DAAM1: variants seen among roughly 807,000 people sequenced by gnomAD.
The protein encoded by DAAM1 is dishevelled associated activator of morphogenesis 1, also known as disheveled-associated activator of morphogenesis 1.
A neutral mutation model predicts 130.0 loss-of-function variants in DAAM1; 52 were observed. The ratio of observed to expected loss-of-function variants is 0.40; its 90% CI spans 0.32 to 0.50. The LOEUF is 0.50. Ranked by LOEUF, DAAM1 falls within the 20% of genes least tolerant of loss-of-function variation. The pLI is 0.61. For synonymous variants in DAAM1, 452 were observed against 444.5 expected, an observed-to-expected ratio of 1.02 and a Z score of -0.21; for missense variants, 1,134 against 1,303.8, an observed-to-expected ratio of 0.87 and a Z score of 2.01.
chr14:59,296,355 C>T (rs1169955108), intron 3 of DAAM1, among the ~76,000 whole-genome samples: 1 of 152,036 alleles, frequency 6.6e-6, no homozygotes, highest in Non-Finnish European at 1.5e-5. Context: ...CAAAGCAATG[C>T]AGTTGGTGAA....
At chr14:59,206,004 C>G (rs1325816185) in intron 1 of DAAM1, among the ~76,000 whole-genome samples, 1 of 152,066 alleles carries the variant, frequency 6.6e-6, no homozygotes, top group Non-Finnish European at 1.5e-5. Flanking sequence ...GCTGGGACTA[C>G]TATGCCTGTC....
intron 24 of DAAM1, 38 bp downstream of exon 24, chr14:59,367,637 A>G (rs893937515): frequency 2.5e-6 from 4 of 1,595,310 alleles, no homozygotes; most frequent in Non-Finnish European, 3.4e-6. Context: ...CACCTCCTAG[A>G]AGTTCTATGA....
At chr14:59,204,337 G>A (rs1459673715) in intron 1 of DAAM1, among the ~76,000 whole-genome samples, 4 of 152,206 alleles carry the variant, frequency 2.6e-5, no homozygotes, top group Admixed American at 2.0e-4. Flanking sequence ...GTGGGCCAGG[G>A]ACTGCTTTTA....
intron 2 of DAAM1, among the ~76,000 whole-genome samples, chr14:59,290,532 C>T (rs958989213): frequency 6.6e-6 from 1 of 152,192 alleles, no homozygotes; most frequent in Non-Finnish European, 1.5e-5. Flanking sequence ...ACATAATGTA[C>T]TGAGTAAATA....
intron 21 of DAAM1, among the ~76,000 whole-genome samples, chr14:59,360,406 A>G (rs1396210699): frequency 1.3e-5 from 2 of 152,278 alleles, no homozygotes; most frequent in African/African-American, 4.8e-5. Flanking sequence ...TATACAGAGT[A>G]CAATGTGAAC....
At chr14:59,343,402 A>G (rs1245903165) in intron 16 of DAAM1, among the ~76,000 whole-genome samples, 1 of 152,158 alleles carries the variant, frequency 6.6e-6, no homozygotes, top group South Asian at 2.1e-4. Flanking sequence ...ATGCTTGGGG[A>G]CAATGAATAG....
chr14:59,323,295 C>A (rs1387654346), intron 6 of DAAM1, 70 bp downstream of exon 6: 13 of 1,434,804 alleles, frequency 9.1e-6, no homozygotes, highest in Non-Finnish European at 1.1e-5. Context: ...CTTTTCCTGT[C>A]CCTGAAAGGG....
At chr14:59,310,121 T>A (rs1306997868) in intron 3 of DAAM1, among the ~76,000 whole-genome samples, 6 of 151,300 alleles carry the variant, frequency 4.0e-5, no homozygotes, top group Non-Finnish European at 8.9e-5. Flanking sequence ...CCTTTTTTTT[T>A]TTTTTTTGAG....
chr14:59,315,411 C>A, intron 4 of DAAM1, 60 bp downstream of exon 4: 1 of 1,467,568 alleles, frequency 6.8e-7, no homozygotes, highest in Non-Finnish European at 9.5e-7. Context: ...GTACAAAGTA[C>A]ACAGTTGCAC....
chr14:59,246,503 T>C (rs1183843404), intron 1 of DAAM1, among the ~76,000 whole-genome samples: 1 of 152,206 alleles, frequency 6.6e-6, no homozygotes, highest in African/African-American at 2.4e-5. Flanking sequence ...AATAATGCTG[T>C]GATAAACATG....
In DAAM1 at chr14:59,330,636, A is replaced by G; in HGVS notation, c.1508A>G (p.Gln503Arg). The change falls in exon 13 of 25, where the codon CAA (glutamine) becomes CGA (arginine). Residue 503 changes from glutamine to arginine, a missense_variant. Around this residue, in one of 3 missense-constraint regions of DAAM1, gnomAD observed 644 missense variants for 695.9 expected, o/e 0.93. Transcript: ENST00000360909. ...KLEKETTEHK[Q>R]VKQQVADLTA... Reference sequence around the variant, plus strand: ...GAAAAGGAGACTACTGAGCATAAGCAAGTCAAGCAGCAGGTGGCGGACCTC... The same window carrying G: ...GAAAAGGAGACTACTGAGCATAAGCGAGTCAAGCAGCAGGTGGCGGACCTC... The G allele has an allele frequency of 1.2e-6, 2 of 1,614,026 alleles. No homozygotes were observed. Among genetic ancestry groups the G allele is most frequent in the South Asian group, 2.2e-5 (2 of 91,070 alleles).
intron 1 of DAAM1, among the ~76,000 whole-genome samples, chr14:59,254,377 T>C (rs1005697575): frequency 3.3e-5 from 5 of 152,184 alleles, no homozygotes; most frequent in Non-Finnish European, 7.4e-5. Flanking sequence ...GAGGGAGAGC[T>C]TTGATGTGAC....
intron 17 of DAAM1, among the ~76,000 whole-genome samples, chr14:59,350,195 C>T (rs771829053): frequency 2.6e-4 from 39 of 152,124 alleles, no homozygotes; most frequent in Non-Finnish European, 4.3e-4. Context: ...TGTCTTCCCC[C>T]ACTTCCGTCC....
intron 1 of DAAM1, among the ~76,000 whole-genome samples, chr14:59,220,648 A>C (rs868138474): frequency 7.2e-5 from 11 of 152,156 alleles, no homozygotes; most frequent in South Asian, 4.1e-4. Flanking sequence ...GGTGTAATTT[A>C]GCTGGGTCTA....
intron 1 of DAAM1, among the ~76,000 whole-genome samples, chr14:59,237,708 C>T (rs756700178): frequency 2.2e-4 from 34 of 152,158 alleles, no homozygotes; most frequent in Non-Finnish European, 4.1e-4. Context: ...TCCTGTTAGC[C>T]GAAAAAACTG....
chr14:59,200,057 G>A (rs1033963106), intron 1 of DAAM1, among the ~76,000 whole-genome samples: 1 of 152,156 alleles, frequency 6.6e-6, no homozygotes, highest in Non-Finnish European at 1.5e-5. Flanking sequence ...ATTTATTTGG[G>A]CAGTTGGTTA....
chr14:59,213,545 G>T (rs1888491930), intron 1 of DAAM1, among the ~76,000 whole-genome samples: 1 of 152,094 alleles, frequency 6.6e-6, no homozygotes, highest in Non-Finnish European at 1.5e-5. Context: ...ACTAAAGGAG[G>T]ATGTAAACTG....
chr14:59,330,593 A>G lies in DAAM1; in HGVS notation c.1465A>G (p.Lys489Glu). 6.2e-7 allele frequency: 1 copy of G among 1,614,100 alleles called. No homozygotes were observed. The highest frequency in any genetic ancestry group is 8.5e-7 in the Non-Finnish European group (1 of 1,180,000). Residue 489 changes from lysine (K) to glutamate (E), a missense_variant, in exon 13 of 25, where the codon AAA (lysine) becomes GAA (glutamate). By Grantham distance (56) the Lys-to-Glu change is moderately conservative. Transcript: ENST00000360909. ...EKEEMMQTLN[K>E]MKEKLEKETT... ...GGAAGAGATGATGCAGACCTTAAAT[A>G]AAATGAAAGAGAAACTTGAAAAGGA...
At chr14:59,194,928 A>C (rs1887838178) in intron 1 of DAAM1, among the ~76,000 whole-genome samples, 1 of 152,232 alleles carries the variant, frequency 6.6e-6, no homozygotes, top group Non-Finnish European at 1.5e-5. Flanking sequence ...GCTTAAAACT[A>C]GATATTGTGC....
Sources: gnomAD v4.1 joint callset for allele counts (sites outside exome capture counted in the v4.1 genomes callset) on GRCh38, gnomAD v4.1.1 for gene constraint, gnomAD v4.1.1 regional missense constraint, MANE v1.5 for transcripts, NCBI Gene and HGNC (gene_info 2026-07-23, HGNC 2026-07-21) for gene names.